The following ADGRL3 variants were observed in gnomAD, a reference collection of about 807,000 sequenced individuals.
ADGRL3 encodes the protein calcium-independent alpha-latrotoxin receptor 3.
A neutral mutation model predicts 153.5 loss-of-function variants in ADGRL3; 62 were observed. That is an observed-to-expected ratio of 0.40 (90% confidence interval 0.33 to 0.50). ADGRL3 has a LOEUF of 0.50. Among genes scored for constraint, ADGRL3 ranks in the 20% least tolerant of loss-of-function variants. The pLI is 0.47. For synonymous variants in ADGRL3, 710 were observed against 672.5 expected, an observed-to-expected ratio of 1.06 and a Z score of -0.86; for missense variants, 1,641 against 1,859.4, an observed-to-expected ratio of 0.88 and a Z score of 2.16.
chr4:61,277,265 G>T (rs894684838), intron 1 of ADGRL3, among the ~76,000 whole-genome samples: 9 of 152,056 alleles, frequency 5.9e-5, no homozygotes, highest in African/African-American at 2.2e-4. Context: ...AAGCCTGACC[G>T]AGTTATAAGG....
intron 1 of ADGRL3, among the ~76,000 whole-genome samples, chr4:61,254,213 C>T (rs1477454140): frequency 6.6e-6 from 1 of 152,116 alleles, no homozygotes; most frequent in East Asian, 1.9e-4. Flanking sequence ...ACCGTACAGT[C>T]CCCAATTCAC....
At chr4:61,663,303 C>T (rs888701992) in intron 5 of ADGRL3, among the ~76,000 whole-genome samples, 1 of 152,212 alleles carries the variant, frequency 6.6e-6, no homozygotes, top group African/African-American at 2.4e-5. Context: ...CTCTGCAGTT[C>T]CTGGCATCTC....
intron 6 of ADGRL3, among the ~76,000 whole-genome samples, chr4:61,700,683 A>G (rs899175775): frequency 1.3e-5 from 2 of 152,148 alleles, no homozygotes; most frequent in Non-Finnish European, 2.9e-5. Flanking sequence ...AGCCATAGTG[A>G]TTGTACAGTG....
Position 61,273,311 on chromosome 4 carries a change from A to G in ADGRL3, c.-240+71546A>G, listed in dbSNP as rs557170340. Among the ~76,000 whole-genome samples, 6 of 152,244 alleles carry G rather than the reference A, an allele frequency of 3.9e-5. 1 individual carries two copies. The highest frequency in any genetic ancestry group is 1.2e-4 in the African/African-American group (5 of 41,554). ...GTACGGTATTTGAAAGGAATTACGC[A>G]ATATAGTGTCTTTTCCCAGCTGGGA... On this transcript the variant is annotated intron_variant, in intron 1 of 26. Coordinates refer to ENST00000683033, the MANE Select transcript of ADGRL3 (RefSeq NM_001387552.1).
At chr4:61,711,442 T>TA (rs1374829151) in intron 6 of ADGRL3, among the ~76,000 whole-genome samples, 27 of 94,114 alleles carry the variant, frequency 2.9e-4, no homozygotes, top group African/African-American at 8.5e-4. Flanking sequence ...AATACTATCT[T>TA]AAAACATATG....
chr4:61,502,113 G>C (rs1344514369), intron 3 of ADGRL3, among the ~76,000 whole-genome samples: 1 of 152,058 alleles, frequency 6.6e-6, no homozygotes, highest in Non-Finnish European at 1.5e-5. Flanking sequence ...TTGGGAGCAA[G>C]GGAAAATAAG....
chr4:61,832,098 A>C (rs573287665), intron 9 of ADGRL3, among the ~76,000 whole-genome samples: 39 of 152,092 alleles, frequency 2.6e-4, no homozygotes, highest in African/African-American at 9.4e-4. Context: ...TGAAATGACA[A>C]AAGGAGAAAA....
At chr4:61,532,551 C>G (rs62303977) in intron 4 of ADGRL3, among the ~76,000 whole-genome samples, 1 of 130,224 alleles carries the variant, frequency 7.7e-6, no homozygotes, top group Non-Finnish European at 1.6e-5. Context: ...CGCGCGCGCG[C>G]GCGCGTGTGT....
At chr4:61,228,286 G>A (rs191693131) in intron 1 of ADGRL3, among the ~76,000 whole-genome samples, 1 of 152,102 alleles carries the variant, frequency 6.6e-6, no homozygotes, top group Non-Finnish European at 1.5e-5. Flanking sequence ...GTTACCATTT[G>A]AGAAAAGGAA....
intron 1 of ADGRL3, among the ~76,000 whole-genome samples, chr4:61,372,760 G>A (rs558725951): frequency 2.0e-5 from 3 of 152,112 alleles, no homozygotes; most frequent in African/African-American, 7.2e-5. Context: ...GCTCCACCCA[G>A]TTCGAGCTTC....
At chr4:61,569,026 A>G (rs2098827875) in intron 4 of ADGRL3, among the ~76,000 whole-genome samples, 1 of 152,086 alleles carries the variant, frequency 6.6e-6, no homozygotes, top group Admixed American at 6.6e-5. Flanking sequence ...TATAGCAAGC[A>G]TTACTTTTGT....
chr4:61,575,988 TGTGTCA>T (rs1452611914), intron 4 of ADGRL3, among the ~76,000 whole-genome samples: 3 of 152,042 alleles, frequency 2.0e-5, no homozygotes, highest in Admixed American at 6.6e-5. Context: ...TTACGTGCCC[TGTGTCA>T]TTTCATGACA....
At chr4:61,979,866 TTTC>T (rs2099061476) in intron 18 of ADGRL3, 94 bp downstream of exon 18, 1 of 1,055,698 alleles carries the variant, frequency 9.5e-7, no homozygotes, top group Non-Finnish European at 1.4e-6. Context: ...GAAAGTATCA[TTTC>T]TTCTAGTCAT....
chr4:61,460,332 C>G (rs1189589435), intron 2 of ADGRL3, among the ~76,000 whole-genome samples: 1 of 152,014 alleles, frequency 6.6e-6, no homozygotes, highest in African/African-American at 2.4e-5. Flanking sequence ...GGTGTCCTTT[C>G]CCCAACGTAT....
At chr4:61,858,460 A>C (rs1369599917) in intron 9 of ADGRL3, among the ~76,000 whole-genome samples, 1 of 152,058 alleles carries the variant, frequency 6.6e-6, no homozygotes, top group Non-Finnish European at 1.5e-5. Flanking sequence ...ACCTCTACTA[A>C]AAATACAAAA....
rs559500868 is a variant in ADGRL3 at position 61,202,630 on chromosome 4, G to A, written c.-240+865G>A. Among the ~76,000 whole-genome samples, 1 of 152,300 alleles carries A rather than the reference G, an allele frequency of 6.6e-6. No individual in the cohort carries two copies. Among genetic ancestry groups the A allele is most frequent in the South Asian group, 2.1e-4 (1 of 4,830 alleles). On this transcript the variant is annotated intron_variant, in intron 1 of 26. Coordinates refer to ENST00000683033, the MANE Select transcript of ADGRL3 (RefSeq NM_001387552.1). The surrounding 1 kb of genome is among the most constrained non-coding windows in gnomAD (Gnocchi z 5.0). ...AGAGAAGGCACCTCGGCGCTTCTCT[G>A]AGGAGAAGGGAAGGCTCCAGGCTGC...
chr4:61,450,913 G>A (rs1161124487), intron 2 of ADGRL3, among the ~76,000 whole-genome samples: 1 of 151,924 alleles, frequency 6.6e-6, no homozygotes, highest in Non-Finnish European at 1.5e-5. Flanking sequence ...ATATAAAAAA[G>A]ATTTTGATTA....
intron 1 of ADGRL3, among the ~76,000 whole-genome samples, chr4:61,229,458 A>AT (rs918583188): frequency 4.4e-4 from 66 of 151,546 alleles, no homozygotes; most frequent in Admixed American, 4.1e-3. Context: ...GCTAGCAAGG[A>AT]TTTTTTTTAG....
chr4:61,499,404 C>T (rs2098358579), intron 3 of ADGRL3, among the ~76,000 whole-genome samples: 2 of 152,130 alleles, frequency 1.3e-5, no homozygotes, highest in Non-Finnish European at 2.9e-5. Context: ...GCACATATAA[C>T]ATTTTGTGAT....
Sources: gnomAD v4.1 joint callset for allele counts (sites outside exome capture counted in the v4.1 genomes callset) on GRCh38, gnomAD v4.1.1 for gene constraint, Gnocchi (gnomAD v3.1) non-coding constraint, MANE v1.5 for transcripts, NCBI Gene and HGNC (gene_info 2026-07-23, HGNC 2026-07-21) for gene names.